GRIP1: variants seen among roughly 807,000 people sequenced by gnomAD.
The protein encoded by GRIP1 is glutamate receptor-interacting protein 1.
GRIP1 carries 45 observed loss-of-function variants against 129.9 expected under a neutral mutation model. That is an observed-to-expected ratio of 0.35 (90% CI 0.27 to 0.44). GRIP1 has a LOEUF of 0.44. GRIP1 is among the 20% of genes least tolerant of loss of function. GRIP1 has a pLI of 1.00. For missense variants in GRIP1, 1,196 were observed against 1,396.8 expected (o/e 0.86, Z 2.29); for synonymous variants, 530 against 520.8 (o/e 1.02, Z -0.24).
chr12:66,698,412 C>T (rs575111398), intron 1 of GRIP1, among the ~76,000 whole-genome samples: 1 of 152,280 alleles, frequency 6.6e-6, no homozygotes, highest in East Asian at 1.9e-4. Flanking sequence ...GTACCTGTGC[C>T]TTATTTTCAT....
intron 13 of GRIP1, among the ~76,000 whole-genome samples, chr12:66,437,821 A>G (rs970152572): frequency 6.6e-6 from 1 of 152,242 alleles, no homozygotes; most frequent in African/African-American, 2.4e-5. Context: ...TCAGTAGGGC[A>G]GAGGTTTAGA....
intron 7 of GRIP1, among the ~76,000 whole-genome samples, chr12:66,507,625 G>T (rs956950983): frequency 6.6e-6 from 1 of 152,048 alleles, no homozygotes; most frequent in Non-Finnish European, 1.5e-5. Flanking sequence ...CTCTTCTGAA[G>T]ACTCATAGCA....
intron 1 of GRIP1, among the ~76,000 whole-genome samples, chr12:66,986,818 T>TA (rs1168586360): frequency 6.7e-6 from 1 of 149,222 alleles, no homozygotes. Context: ...CCCTAAAACT[T>TA]AAAGTATAAT....
rs775644900 is a variant in GRIP1 at position 66,596,882 on chromosome 12, T to A, written c.101A>T (p.Asp34Val). Residue 34 changes from aspartate to valine, a missense_variant, in exon 2 of 25, where the codon GAT (aspartate) becomes GTT (valine). This residue lies in a region of GRIP1 where 217 missense variants were observed against 224.8 expected (regional missense o/e 0.97). Transcript: ENST00000359742. ...TKSASQTKPP[D>V]GALAVRRQSI... ...CTGTCTCCTCACAGCCAACGCTCCA[T>A]CAGGCGGCTTTGTCTGGCTGGCGGA... 6.2e-7 allele frequency: 1 copy of A among 1,613,698 alleles called. No homozygotes were observed. The highest frequency in any genetic ancestry group is 1.3e-5 in the African/African-American group (1 of 75,030).
At chr12:66,764,526 T>C (rs1226876470) in intron 1 of GRIP1, among the ~76,000 whole-genome samples, 1 of 152,218 alleles carries the variant, frequency 6.6e-6, no homozygotes, top group Admixed American at 6.5e-5. Context: ...TGTGCTTTAC[T>C]TCATAGTAAG....
intron 1 of GRIP1, among the ~76,000 whole-genome samples, chr12:66,714,020 C>T (rs1232668720): frequency 6.6e-6 from 1 of 152,018 alleles, no homozygotes; most frequent in African/African-American, 2.4e-5. Context: ...CAGTCAAATT[C>T]CCCACACTGA....
At chr12:67,048,821 T>A (rs1381881980) in intron 1 of GRIP1, among the ~76,000 whole-genome samples, 1 of 152,172 alleles carries the variant, frequency 6.6e-6, no homozygotes, top group African/African-American at 2.4e-5. Flanking sequence ...CCTGCCACCA[T>A]CCATGTAAAA....
intron 2 of GRIP1, among the ~76,000 whole-genome samples, chr12:66,574,553 G>A (rs12819058): frequency 3.3e-5 from 5 of 152,060 alleles, no homozygotes; most frequent in Non-Finnish European, 7.4e-5. Context: ...TACCTCATAC[G>A]TTTAACAGTT....
intron 13 of GRIP1, among the ~76,000 whole-genome samples, chr12:66,437,562 A>G (rs1431281530): frequency 6.6e-6 from 1 of 152,242 alleles, no homozygotes; most frequent in Non-Finnish European, 1.5e-5. Flanking sequence ...TAAGCTGGGT[A>G]CTGAACAAAG....
chr12:66,353,020 C>T (rs529017100), intron 24 of GRIP1, among the ~76,000 whole-genome samples: 1 of 152,214 alleles, frequency 6.6e-6, no homozygotes, highest in East Asian at 1.9e-4. Flanking sequence ...AAGGAGAGGC[C>T]AAATCCCTGG....
intron 1 of GRIP1, among the ~76,000 whole-genome samples, chr12:66,696,546 G>A (rs1009205421): frequency 6.6e-6 from 1 of 151,952 alleles, no homozygotes; most frequent in African/African-American, 2.4e-5. Flanking sequence ...CAGCACTTTG[G>A]GAGGCCGAGG....
At chr12:66,584,112 C>G (rs370476739) in intron 2 of GRIP1, among the ~76,000 whole-genome samples, 1 of 149,978 alleles carries the variant, frequency 6.7e-6, no homozygotes, top group South Asian at 2.1e-4. Flanking sequence ...TTTGTAGGGA[C>G]ATGGATGAAA....
intron 1 of GRIP1, among the ~76,000 whole-genome samples, chr12:66,734,572 T>C (rs2036537627): frequency 6.6e-6 from 1 of 152,174 alleles, no homozygotes; most frequent in Non-Finnish European, 1.5e-5. Context: ...TACAGAGGTA[T>C]TCATTTTCTT....
intron 23 of GRIP1, among the ~76,000 whole-genome samples, chr12:66,358,472 G>C (rs1027613115): frequency 9.2e-5 from 14 of 151,466 alleles, no homozygotes; most frequent in Admixed American, 8.6e-4. Context: ...TTTGAGACAG[G>C]GTCTCACTCT....
At chr12:66,516,863 A>G (rs2060859601) in intron 6 of GRIP1, among the ~76,000 whole-genome samples, 1 of 152,172 alleles carries the variant, frequency 6.6e-6, no homozygotes, top group Non-Finnish European at 1.5e-5. Flanking sequence ...TAATCATATG[A>G]GTTTCAAAGG....
intron 7 of GRIP1, among the ~76,000 whole-genome samples, chr12:66,471,934 T>C (rs544818036): frequency 2.6e-5 from 4 of 152,304 alleles, no homozygotes; most frequent in South Asian, 2.1e-4. Context: ...TCTCTTGGGA[T>C]CTTTGTTAGA....
chr12:66,419,827 G>T (rs182504352), intron 15 of GRIP1, among the ~76,000 whole-genome samples: 1 of 152,154 alleles, frequency 6.6e-6, no homozygotes, highest in Non-Finnish European at 1.5e-5. Context: ...TGGGTGTGGC[G>T]GTTCACACCT....
intron 5 of GRIP1, among the ~76,000 whole-genome samples, chr12:66,519,481 C>T (rs1161549959): frequency 1.3e-5 from 2 of 152,040 alleles, no homozygotes; most frequent in African/African-American, 4.8e-5. Context: ...GGATGGGGGT[C>T]AAAGATAGCA....
In GRIP1 at chr12:66,920,877, C is replaced by T. The variant is rs907819265; in HGVS notation, c.58+148173G>A. Among the ~76,000 whole-genome samples, 7 of 152,196 alleles carry T rather than the reference C, an allele frequency of 4.6e-5. No homozygotes were observed. The South Asian group carries it at 8.3e-4, about 18-fold the overall frequency. ...ATAATGGGAATGCAATCATGTGATC[C>T]GTTCATCTGCAGTAAGGCATAAACG... is the stretch of plus-strand genomic sequence containing the variant. On this transcript the variant is annotated intron_variant, in intron 1 of 1. Transcript: ENST00000643019.
Sources: allele counts gnomAD v4.1 joint callset (sites outside exome capture counted in the v4.1 genomes callset), GRCh38; gene constraint gnomAD v4.1.1; regional missense constraint gnomAD v4.1.1; transcripts MANE v1.5; gene names NCBI Gene and HGNC (gene_info 2026-07-23, HGNC 2026-07-21).